Variants in ZBTB45 observed in about 807,000 individuals in gnomAD.
ZBTB45 encodes the protein zinc finger and BTB domain-containing protein 45.
ZBTB45 carries 22 observed loss-of-function variants against 28.4 expected under a neutral mutation model. The ratio of observed to expected loss-of-function variants is 0.77; its 90% CI spans 0.55 to 1.10. The LOEUF (loss-of-function observed/expected upper bound fraction) is 1.10. Among genes scored for constraint, ZBTB45 ranks in the 50% least tolerant of loss-of-function variants. The pLI is 0.00. For missense variants in ZBTB45, 656 were observed against 750.2 expected (o/e 0.87, Z 1.47); for synonymous variants, 361 against 332.3 (o/e 1.09, Z -0.94).
chr19:58,525,172 C>CT (rs1398171748), intron 1 of ZBTB45, among the ~76,000 whole-genome samples: 1 of 152,172 alleles, frequency 6.6e-6, no homozygotes, highest in Non-Finnish European at 1.5e-5. Flanking sequence ...CCATCACTTC[C>CT]CGGCCAGCCT....
At chr19:58,524,063 CAAA>C (rs529087016), upstream of ZBTB45, among the ~76,000 whole-genome samples, 2 of 73,204 alleles carry the variant, frequency 2.7e-5, no homozygotes, top group Non-Finnish European at 4.7e-5. Flanking sequence ...GACTCTGTCT[CAAA>C]AAAAAAAAAA....
rs1243076494 is a variant in ZBTB45, at chr19:58,514,326, C to A, written c.1280-16G>T. The A allele has an allele frequency of 3.2e-6, 5 of 1,584,952 alleles. No individual in the cohort carries two copies. The highest frequency in any genetic ancestry group is 3.4e-6 in the Non-Finnish European group (4 of 1,161,156). ...GGCTTCTCCCCTGCGGAAGACAGGG[C>A]GGGCCGCGAACGCAAGTCAGACTCT... On this transcript the variant is annotated splice_polypyrimidine_tract_variant and intron_variant, in intron 2 of 2. Transcript: ENST00000594051.
chr19:58,528,489 G>T (rs2053619288), intron 1 of ZBTB45, among the ~76,000 whole-genome samples: 1 of 151,122 alleles, frequency 6.6e-6, no homozygotes, highest in African/African-American at 2.4e-5. Flanking sequence ...TCCAGGTGCG[G>T]TGGCTCACGC....
At chr19:58,530,235 A>C (rs551494569) in intron 1 of ZBTB45, among the ~76,000 whole-genome samples, 14 of 150,352 alleles carry the variant, frequency 9.3e-5, no homozygotes, top group East Asian at 2.0e-4. Context: ...ACACACACAC[A>C]CCTCAGTTGT....
intron 1 of ZBTB45, among the ~76,000 whole-genome samples, chr19:58,536,331 T>C (rs2053659930): frequency 6.6e-6 from 1 of 152,034 alleles, no homozygotes; most frequent in Non-Finnish European, 1.5e-5. Context: ...CCGGGCATGG[T>C]GGTGGGCACC....
At chr19:58,530,301 T>G (rs1160535499) in intron 1 of ZBTB45, among the ~76,000 whole-genome samples, 6 of 152,118 alleles carry the variant, frequency 3.9e-5, no homozygotes, top group Admixed American at 2.0e-4. Context: ...ACATTTGGGT[T>G]GTTTCTACTT....
At chr19:58,536,625 A>G (rs1823917661) in intron 1 of ZBTB45, among the ~76,000 whole-genome samples, 1 of 152,132 alleles carries the variant, frequency 6.6e-6, no homozygotes, top group South Asian at 2.1e-4. Context: ...CCTGGGTGAC[A>G]GAACGAGACT....
chr19:58,532,030 C>G (rs374418364), intron 1 of ZBTB45, among the ~76,000 whole-genome samples: 15 of 152,126 alleles, frequency 9.9e-5, no homozygotes, highest in East Asian at 9.7e-4. Context: ...TGTCCTCCCC[C>G]CTCCTTCCTT....
chr19:58,523,678 T>C (rs113963548), upstream of ZBTB45, among the ~76,000 whole-genome samples: 491 of 146,998 alleles, frequency 3.3e-3, 2 homozygotes, highest in Non-Finnish European at 5.6e-3. Flanking sequence ...TTTTGTTTGT[T>C]TGTTTGTTTT....
chr19:58,514,273 G>C lies in ZBTB45; in HGVS notation c.1317C>G (p.Ser439=), dbSNP rs201795618. 3.1e-6 allele frequency: 5 copies of C among 1,609,542 alleles called. No homozygotes were observed. In the East Asian group the frequency reaches 8.9e-5, roughly 29 times the overall value. ...TGAGCAGGTAGTCGCGTAGAGAGAA[G>C]GATCGCCAGCACACGGCGCACTGGT... is the stretch of plus-strand genomic sequence containing the variant. The part of the protein sequence containing the change: ...KPHQCAVCWR[S]FSLRDYLLKH... The change falls in exon 3 of 3, where the codon TCC becomes TCG. Residue 439 remains serine (S), a synonymous_variant. Coordinates refer to ENST00000594051, the MANE Select transcript of ZBTB45 (RefSeq NM_001316979.2).
chr19:58,530,202 A>T (rs1231997292), intron 1 of ZBTB45, among the ~76,000 whole-genome samples: 1 of 107,024 alleles, frequency 9.3e-6, no homozygotes, highest in Non-Finnish European at 1.9e-5. Context: ...TTGCCATGAG[A>T]GCGCATGCAC....
intron 1 of ZBTB45, among the ~76,000 whole-genome samples, chr19:58,528,178 G>A (rs1048791099): frequency 1.4e-4 from 22 of 152,120 alleles, no homozygotes; most frequent in African/African-American, 4.6e-4. Flanking sequence ...TACCCCTGAA[G>A]ATGGAGGGAG....
At chr19:58,527,871 G>C (rs1447927921) in intron 1 of ZBTB45, among the ~76,000 whole-genome samples, 2 of 152,212 alleles carry the variant, frequency 1.3e-5, no homozygotes, top group African/African-American at 4.8e-5. Context: ...GGAGGCCGAG[G>C]TAGGTGGATC....
intron 1 of ZBTB45, among the ~76,000 whole-genome samples, chr19:58,526,317 C>T (rs1261461209): frequency 6.6e-6 from 1 of 151,956 alleles, no homozygotes; most frequent in Non-Finnish European, 1.5e-5. Flanking sequence ...TCAAGTGATT[C>T]TCCTGCTTCA....
chr19:58,522,381 C>G (rs2053583583), upstream of ZBTB45, among the ~76,000 whole-genome samples: 1 of 151,718 alleles, frequency 6.6e-6, no homozygotes, highest in Non-Finnish European at 1.5e-5. Flanking sequence ...AGGCTGGTCT[C>G]AAACTCCTGA....
At chr19:58,526,819 CCG>C (rs1182561939) in intron 1 of ZBTB45, among the ~76,000 whole-genome samples, 16 of 151,894 alleles carry the variant, frequency 1.1e-4, no homozygotes, top group African/African-American at 2.9e-4. Flanking sequence ...GCGTGAGCCA[CCG>C]CGCCCGGCCT....
At chr19:58,538,000 G>C (rs943959009) in intron 1 of ZBTB45, among the ~76,000 whole-genome samples, 1 of 152,008 alleles carries the variant, frequency 6.6e-6, no homozygotes, top group African/African-American at 2.4e-5. Flanking sequence ...ACCACGCCCG[G>C]CTAATTTTTG....
Position 58,515,309 on chromosome 19 carries a change from C to T in ZBTB45, c.1280-999G>A, listed in dbSNP as rs182064819. ...CCAGCCTGGGCAACAGAGGGAGACTCGGTCTCAAAAAAAATTAAAAAAAAA... is the reference window on the plus strand; with the variant it reads ...CCAGCCTGGGCAACAGAGGGAGACTTGGTCTCAAAAAAAATTAAAAAAAAA... On this transcript the variant is annotated intron_variant, in intron 2 of 2. Coordinates refer to ENST00000594051, the MANE Select transcript of ZBTB45 (RefSeq NM_001316979.2). This position sits in a 1 kb window ranked among gnomAD's most constrained non-coding sequence, Gnocchi z 4.7. 7.8e-5 allele frequency among the ~76,000 whole-genome samples: 11 copies of T among 140,710 alleles called. No homozygotes were observed. The highest frequency in any genetic ancestry group is 3.7e-4 in the Admixed American group (5 of 13,592). The allele number at this position is 140,710 out of a possible 152,430, so 92.3% of individuals were successfully genotyped here. A position where few individuals can be genotyped will look rare whatever the true frequency, so the allele number is the denominator to read the frequency against.
Position 58,517,070 on chromosome 19 carries a change from C to A in ZBTB45, c.604G>T (p.Ala202Ser), listed in dbSNP as rs1184262730. 35 of 1,613,070 alleles carry A rather than the reference C, an allele frequency of 2.2e-5. No individual in the cohort carries two copies. The highest frequency in any genetic ancestry group is 2.8e-5 in the Non-Finnish European group (33 of 1,179,984). Reference protein sequence around the residue: ...GPDADPSLSAAPDDRGDEDDE... With the variant: ...GPDADPSLSASPDDRGDEDDE... Reference sequence around the variant, plus strand: ...TCCTCGTCACCTCGGTCATCAGGGGCCGCGGACAGTGAGGGGTCAGCATCA... The same window carrying A: ...TCCTCGTCACCTCGGTCATCAGGGGACGCGGACAGTGAGGGGTCAGCATCA... Residue 202 changes from alanine (A) to serine (S), a missense_variant, in exon 2 of 3, where the codon GCC (alanine) becomes TCC (serine). By Grantham distance (99) the Ala-to-Ser change is moderately conservative. Transcript: ENST00000594051.
Sources: allele counts gnomAD v4.1 joint callset (sites outside exome capture counted in the v4.1 genomes callset), GRCh38; gene constraint gnomAD v4.1.1; non-coding constraint Gnocchi (gnomAD v3.1); transcripts MANE v1.5; gene names NCBI Gene and HGNC (gene_info 2026-07-23, HGNC 2026-07-21).